Variants in TRABD2B observed in about 807,000 individuals in gnomAD.
TRABD2B encodes the protein metalloprotease TIKI2.
In TRABD2B, 14 loss-of-function variants were observed where a neutral mutation model predicts 40.1. That is an observed-to-expected ratio of 0.35 (90% CI 0.23 to 0.55). TRABD2B has a LOEUF of 0.55. Ranked by LOEUF, TRABD2B falls within the 20% of genes least tolerant of loss-of-function variation. The probability of loss-of-function intolerance (pLI) is 0.90; values close to 1 mark genes in which losing one functional copy is unlikely to be tolerated. For synonymous variants in TRABD2B, 263 were observed against 277.0 expected (o/e 0.95, Z 0.50); for missense variants, 541 against 648.6 (o/e 0.83, Z 1.80).
chr1:47,772,511 G>A (rs560452005), intron 6 of TRABD2B, among the ~76,000 whole-genome samples: 40 of 152,108 alleles, frequency 2.6e-4, no homozygotes, highest in African/African-American at 8.9e-4. Flanking sequence ...GCTGAGGAGC[G>A]GCCATATGGG....
chr1:47,858,859 G>T (rs1352072935), intron 2 of TRABD2B, among the ~76,000 whole-genome samples: 5 of 152,228 alleles, frequency 3.3e-5, no homozygotes, highest in African/African-American at 4.8e-5. Context: ...CAGGATGGCG[G>T]CCTGGTGGAC....
chr1:47,966,269 C>G (rs1184184193), intron 2 of TRABD2B, among the ~76,000 whole-genome samples: 1 of 145,352 alleles, frequency 6.9e-6, no homozygotes, highest in East Asian at 2.1e-4. Context: ...TCCAATGTGA[C>G]TCTGGAAGGC....
Position 47,994,889 on chromosome 1 carries a change from T to C in TRABD2B, c.103-292A>G, listed in dbSNP as rs1362034286. Among the ~76,000 whole-genome samples, 1 of 152,276 alleles carries C rather than the reference T, an allele frequency of 6.6e-6. No individual in the cohort carries two copies. Among genetic ancestry groups the C allele is most frequent in the Non-Finnish European group, 1.5e-5 (1 of 68,022 alleles). The stretch of plus-strand genomic sequence containing the variant: ...TCGGGTTGTTGGGAGGATTAAAAGA[T>C]ACAATATATGTATATTAAGCCCTCA... On this transcript the variant is annotated intron_variant, in intron 1 of 6. Transcript: ENST00000606738. The surrounding 1 kb of genome is among the most constrained non-coding windows in gnomAD (Gnocchi z 6.7).
At chr1:47,982,815 C>T (rs1645859283) in intron 2 of TRABD2B, among the ~76,000 whole-genome samples, 1 of 152,156 alleles carries the variant, frequency 6.6e-6, no homozygotes, top group Admixed American at 6.5e-5. Flanking sequence ...TCCACCTCAT[C>T]TCCAGGGGCC....
At chr1:47,803,804 T>C (rs538470786) in intron 2 of TRABD2B, among the ~76,000 whole-genome samples, 1 of 152,336 alleles carries the variant, frequency 6.6e-6, no homozygotes, top group East Asian at 1.9e-4. Context: ...ACTTCATTGT[T>C]TCTTTATTTC....
chr1:47,855,822 CA>C (rs1253767318), intron 2 of TRABD2B, among the ~76,000 whole-genome samples: 4 of 152,214 alleles, frequency 2.6e-5, no homozygotes, highest in African/African-American at 9.6e-5. Flanking sequence ...CAGCCATCTG[CA>C]AACCAGAAGA....
chr1:47,872,177 T>G (rs1644151583), intron 2 of TRABD2B, among the ~76,000 whole-genome samples: 1 of 152,154 alleles, frequency 6.6e-6, no homozygotes, highest in Non-Finnish European at 1.5e-5. Flanking sequence ...CCTATGTCTG[T>G]GGGCTCAGGC....
At chr1:47,853,060 T>C (rs990838557) in intron 2 of TRABD2B, among the ~76,000 whole-genome samples, 1 of 152,124 alleles carries the variant, frequency 6.6e-6, no homozygotes, top group Non-Finnish European at 1.5e-5. Flanking sequence ...GAAGCATGCC[T>C]AGCAGAGAAA....
intron 2 of TRABD2B, among the ~76,000 whole-genome samples, chr1:47,965,365 T>C (rs1384716709): frequency 2.7e-5 from 4 of 150,858 alleles, no homozygotes; most frequent in South Asian, 2.1e-4. Context: ...GATCTGGACT[T>C]GAAATTAAGC....
At chr1:47,774,527 T>G (rs1204359694) in intron 6 of TRABD2B, among the ~76,000 whole-genome samples, 1 of 152,136 alleles carries the variant, frequency 6.6e-6, no homozygotes. Context: ...CAGCAGGACT[T>G]TGGTGACAGA....
intron 4 of TRABD2B, among the ~76,000 whole-genome samples, chr1:47,791,066 A>G (rs1309699692): frequency 2.0e-5 from 3 of 152,188 alleles, no homozygotes; most frequent in Non-Finnish European, 4.4e-5. Context: ...AGAGCAGAAG[A>G]GAGGAGAAGC....
intron 2 of TRABD2B, among the ~76,000 whole-genome samples, chr1:47,867,000 C>T (rs551699841): frequency 2.6e-5 from 4 of 152,322 alleles, no homozygotes; most frequent in East Asian, 1.9e-4. Flanking sequence ...GGCCGCCCTA[C>T]ACTCAGCTAT....
At chr1:47,940,726 A>C (rs996566355) in intron 2 of TRABD2B, among the ~76,000 whole-genome samples, 1 of 152,224 alleles carries the variant, frequency 6.6e-6, no homozygotes, top group African/African-American at 2.4e-5. Flanking sequence ...GACCTGAGTC[A>C]TCTCCTAAAG....
rs535059602 is a variant in TRABD2B, at chr1:47,807,085, G to T, written c.667-5466C>A. On this transcript the variant is annotated intron_variant, in intron 2 of 6. Transcript: ENST00000606738. ...CTTACAGAGCTCACCTGCTAGAGGG[G>T]TAAAGTGAGAATACATAAATTATTA... 3.9e-5 allele frequency among the ~76,000 whole-genome samples: 6 copies of T among 152,330 alleles called. No homozygotes were observed. The East Asian group carries it at 1.2e-3, about 29-fold the overall frequency.
At chr1:47,803,472 C>T (rs774813848) in intron 2 of TRABD2B, among the ~76,000 whole-genome samples, 2 of 152,202 alleles carry the variant, frequency 1.3e-5, no homozygotes, top group East Asian at 1.9e-4. Flanking sequence ...AGCCGTCCAG[C>T]GAAGGCCATC....
intron 6 of TRABD2B, among the ~76,000 whole-genome samples, chr1:47,770,827 T>A (rs1644368050): frequency 1.3e-5 from 2 of 152,150 alleles, no homozygotes; most frequent in South Asian, 4.2e-4. Context: ...TCTGCTAGGG[T>A]AGGGGGCTGG....
chr1:47,890,930 C>T (rs566608294), intron 2 of TRABD2B, among the ~76,000 whole-genome samples: 6 of 152,356 alleles, frequency 3.9e-5, no homozygotes, highest in Admixed American at 2.6e-4. Flanking sequence ...CCATCCCTAT[C>T]TTGTTTGGTA....
intron 5 of TRABD2B, among the ~76,000 whole-genome samples, chr1:47,776,074 C>T (rs571527198): frequency 3.9e-5 from 6 of 152,168 alleles, no homozygotes; most frequent in African/African-American, 1.2e-4. Flanking sequence ...TCACAGGGTA[C>T]TTCATCAGGA....
intron 5 of TRABD2B, among the ~76,000 whole-genome samples, chr1:47,776,381 A>C (rs930716447): frequency 7.2e-5 from 11 of 152,174 alleles, no homozygotes; most frequent in Non-Finnish European, 5.9e-5. Context: ...AAGAATAATA[A>C]TACTACCTAC....
Sources: allele counts gnomAD v4.1 joint callset (sites outside exome capture counted in the v4.1 genomes callset), GRCh38; gene constraint gnomAD v4.1.1; non-coding constraint Gnocchi (gnomAD v3.1); transcripts MANE v1.5; gene names NCBI Gene and HGNC (gene_info 2026-07-23, HGNC 2026-07-21).